APC2: variants seen among roughly 807,000 people sequenced by gnomAD.
APC2 encodes APC regulator of Wnt signaling pathway 2.
Under a neutral mutation model 72.5 loss-of-function variants are expected in APC2, and 41 were observed. That is an observed-to-expected ratio of 0.57 (90% confidence interval 0.44 to 0.73). APC2 has a LOEUF of 0.73. Among genes scored for constraint, APC2 ranks in the 30% least tolerant of loss-of-function variants. APC2 has a pLI of 0.00. For synonymous variants in APC2, 1,898 were observed against 1,612.0 expected, an observed-to-expected ratio of 1.18 and a Z score of -4.25; for missense variants, 3,729 against 3,403.4, an observed-to-expected ratio of 1.10 and a Z score of -2.38.
rs535857546 is a variant in APC2, at chr19:1,463,912, C to T, written c.1854-1243C>T. Among the ~76,000 whole-genome samples the T allele has an allele frequency of 5.3e-5, 8 of 152,324 alleles. No individual in the cohort carries two copies. The East Asian group carries it at 9.6e-4, about 18-fold the overall frequency. The stretch of plus-strand genomic sequence containing the variant: ...CTTATTGGCTGGGCGCGGTGGCTCA[C>T]GCCTGTAATCCCAGCACTTTGGGAG... On this transcript the variant is annotated intron_variant, in intron 14 of 14. Transcript: ENST00000590469.
intron 14 of APC2, among the ~76,000 whole-genome samples, chr19:1,464,181 T>C (rs898050745): frequency 1.1e-4 from 16 of 151,962 alleles, no homozygotes; most frequent in African/African-American, 3.6e-4. Context: ...GGGTGGTGGG[T>C]GCCTGTAATC....
chr19:1,455,628 G>C (rs765313567), intron 6 of APC2, 128 bp downstream of exon 6: 22 of 926,086 alleles, frequency 2.4e-5, no homozygotes, highest in Non-Finnish European at 3.4e-5. Flanking sequence ...GTTGGGGGGC[G>C]CGGGTTCTGG....
chr19:1,458,007 C>G lies in APC2; in HGVS notation c.1250C>G (p.Ala417Gly), dbSNP rs1430400681. ...IEPQICQATC[A>G]VMKLSFDEEY... The stretch of plus-strand genomic sequence containing the variant: ...CCGCAGATCTGCCAGGCCACCTGTG[C>G]TGTTATGAAGCTGTCCTTTGATGAG... The change falls in exon 10 of 15, where the codon GCT becomes GGT. Residue 417 changes from alanine (A) to glycine (G), a missense_variant. Coordinates refer to ENST00000590469, the MANE Select transcript of APC2 (RefSeq NM_005883.3). 1 of 1,567,246 alleles carries G rather than the reference C, an allele frequency of 6.4e-7. No individual in the cohort carries two copies. The highest frequency in any genetic ancestry group is 1.2e-5 in the South Asian group (1 of 85,310).
rs1190840684 is a variant in APC2, at chr19:1,468,414, G to A, written c.5113G>A (p.Ala1705Thr). 1.3e-6 allele frequency: 2 copies of A among 1,589,872 alleles called. No homozygotes were observed. Among genetic ancestry groups the A allele is most frequent in the African/African-American group, 1.3e-5 (1 of 74,412 alleles). The change falls in exon 15 of 15, where the codon GCT becomes ACT. Residue 1705 changes from alanine to threonine, a missense_variant. Physicochemically the swap from Ala to Thr is moderately conservative, Grantham distance 58. Transcript: ENST00000590469. ...TGTCACGTGGCTGCACCAGGCAGCA[G>A]CTGCCACGCGGGAGGCCTCGTCCGA... ...SIVTWLHQAAAATREASSESD... is the reference protein window; with the variant it reads ...SIVTWLHQAATATREASSESD...
At chr19:1,458,764 T>G (rs535240756) in intron 10 of APC2, among the ~76,000 whole-genome samples, 1 of 152,142 alleles carries the variant, frequency 6.6e-6, no homozygotes, top group East Asian at 2.0e-4. Flanking sequence ...TTGCCCAGGC[T>G]GGAGTGCAGT....
chr19:1,460,099 T>C, intron 10 of APC2, 82 bp from the exon 11 acceptor site: 1 of 1,583,734 alleles, frequency 6.3e-7, no homozygotes, highest in South Asian at 1.1e-5. Context: ...AGGGAGGGCC[T>C]CTGGGCAAGG....
rs768283155 is a variant in APC2, at chr19:1,468,002, C to A, written c.4701C>A (p.Ser1567Arg). ...AAPPPARTQP[S>R]LIADETPPCY... ...CGCCGCCCGCCCGGACCCAGCCCAGCCTCATTGCTGACGAGACCCCGCCCT... is the reference window on the plus strand; with the variant it reads ...CGCCGCCCGCCCGGACCCAGCCCAGACTCATTGCTGACGAGACCCCGCCCT... The change falls in exon 15 of 15, where the codon AGC becomes AGA. Residue 1567 changes from serine to arginine, a missense_variant. Physicochemically the swap from Ser to Arg is moderately radical, Grantham distance 110. Transcript: ENST00000590469. 6.9e-6 allele frequency: 11 copies of A among 1,585,850 alleles called. No homozygotes were observed. The highest frequency in any genetic ancestry group is 2.3e-5 in the East Asian group (1 of 42,962).
intron 14 of APC2, among the ~76,000 whole-genome samples, chr19:1,464,153 A>G (rs1462634721): frequency 3.9e-5 from 6 of 152,054 alleles, no homozygotes; most frequent in Admixed American, 2.0e-4. Flanking sequence ...TACTAAAAAT[A>G]TAAAAATTAG....
rs1224873247 is a variant in APC2, at chr19:1,468,804, C to T, written c.5503C>T (p.Pro1835Ser). The T allele has an allele frequency of 5.2e-6, 8 of 1,534,936 alleles. No individual in the cohort carries two copies. Among genetic ancestry groups the T allele is most frequent in the Non-Finnish European group, 7.0e-6 (8 of 1,144,284 alleles). ...CGCGGCTCCAGCCAAAGTCCCGAGCCCCGGGCAGCAGCGGTCGCGGAGCCT... is the reference window on the plus strand; with the variant it reads ...CGCGGCTCCAGCCAAAGTCCCGAGCTCCGGGCAGCAGCGGTCGCGGAGCCT... ...QPAAPAKVPSPGQQRSRSLHR... is the reference protein window; with the variant it reads ...QPAAPAKVPSSGQQRSRSLHR... The change falls in exon 15 of 15, where the codon CCC becomes TCC. Residue 1835 changes from proline (P) to serine (S), a missense_variant. By Grantham distance (74) the Pro-to-Ser change is moderately conservative. Coordinates refer to ENST00000590469, the MANE Select transcript of APC2 (RefSeq NM_005883.3).
rs770025331 is a variant in APC2 at position 1,455,518 on chromosome 19, G to A, written c.639+18G>A. ...GGGCACAGGTGCGGCGGTGGGCGGG[G>A]TGGCGCGGCGGTAGGCGGGGCCCTG... On this transcript the variant is annotated intron_variant, in intron 6 of 14. Transcript: ENST00000590469. 1.9e-6 allele frequency: 3 copies of A among 1,590,770 alleles called. No individual in the cohort carries two copies. The highest frequency in any genetic ancestry group is 2.3e-5 in the South Asian group (2 of 88,750).
At position 1,453,306 on chromosome 19, in the gene APC2, G is replaced by A. The variant is rs372898271; in HGVS notation, c.201G>A (p.Ser67=). The change falls in exon 3 of 15, where the codon TCG becomes TCA. Residue 67 remains serine (S), a synonymous_variant. Transcript: ENST00000590469. The part of the protein sequence containing the change: ...LEQEARVLVS[S]GQTEVLEQLK... ...AGGAGGCCCGAGTGCTGGTGTCCTCGGGGCAGACGGAGGTGCTGGAGCAGC... is the reference window on the plus strand; with the variant it reads ...AGGAGGCCCGAGTGCTGGTGTCCTCAGGGCAGACGGAGGTGCTGGAGCAGC... 4 of 1,592,450 alleles carry A rather than the reference G, an allele frequency of 2.5e-6. No homozygotes were observed. Among genetic ancestry groups the A allele is most frequent in the Admixed American group, 3.6e-5 (2 of 55,382 alleles).
chr19:1,459,582 G>A (rs1007337362), intron 10 of APC2, among the ~76,000 whole-genome samples: 5 of 152,216 alleles, frequency 3.3e-5, no homozygotes, highest in African/African-American at 1.2e-4. Context: ...TGTCTCCACT[G>A]ACCCACTCCT....
At chr19:1,457,899 A>AGGGGGGGGGGGGGGGC (rs2083862916) in intron 9 of APC2, 66 bp from the exon 10 acceptor site, 1 of 792,656 alleles carries the variant, frequency 1.3e-6, no homozygotes, top group African/African-American at 4.0e-5. Flanking sequence ...GGGTTGCGGG[A>AGGGGGGGGGGGGGGGC]CCTTCGGGAG....
chr19:1,453,669 G>C, intron 4 of APC2, 58 bp downstream of exon 4: 1 of 1,542,208 alleles, frequency 6.5e-7, no homozygotes, highest in Non-Finnish European at 8.8e-7. Context: ...GTCCCCAGCG[G>C]GCTCTGCCCT....
At position 1,450,241 on chromosome 19, in the gene APC2, C is replaced by T. The variant is rs572720372; in HGVS notation, c.-116C>T. 4.1e-6 allele frequency: 4 copies of T among 985,420 alleles called. No homozygotes were observed. The highest frequency in any genetic ancestry group is 5.2e-4 in the Middle Eastern group (1 of 1,914). The allele number at this position is 985,420 out of a possible 1,614,324, so 61.0% of individuals were successfully genotyped here. On this transcript the variant is annotated 5_prime_UTR_variant, in exon 1 of 15. Transcript: ENST00000590469. The stretch of plus-strand genomic sequence containing the variant: ...ACCCCGGAGCCCGCGCGCTCCGAGG[C>T]CACCCCGGGCCGGGATTTCCGGTGG...
At chr19:1,458,359 TAGAAGAC>T in intron 10 of APC2, 1 of 418,880 alleles carries the variant, frequency 2.4e-6, no homozygotes, top group South Asian at 3.2e-5. Context: ...CAAAGATAGA[TAGAAGAC>T]AGGCCCAGAA....
At chr19:1,461,696 C>T (rs2083926738) in intron 13 of APC2, 1 of 471,874 alleles carries the variant, frequency 2.1e-6, no homozygotes, top group South Asian at 3.1e-5. Flanking sequence ...ACTAAAAATA[C>T]AAAAAATTAG....
In APC2 at chr19:1,467,430, G is replaced by C; in HGVS notation, c.4129G>C (p.Val1377Leu). 6.7e-7 allele frequency: 1 copy of C among 1,483,944 alleles called. No homozygotes were observed. The highest frequency in any genetic ancestry group is 1.3e-5 in the South Asian group (1 of 78,154). 91.9% of individuals were successfully genotyped at this position (1,483,944 alleles called of 1,614,324 possible). A position where few individuals can be genotyped will look rare whatever the true frequency, so the allele number is the denominator to read the frequency against. Residue 1377 changes from valine (V) to leucine (L), a missense_variant, in exon 15 of 15, where the codon GTG (valine) becomes CTG (leucine). Val to Leu is a conservative substitution (Grantham distance 32, BLOSUM62 1). Coordinates refer to ENST00000590469, the MANE Select transcript of APC2 (RefSeq NM_005883.3). ...ACTCCCCGTGCCCGTCTACATGTTG[G>C]TGCCCGCCCCGGCCCCGGCCCAGGA... ...RALPVPVYML[V>L]PAPAPAQEDD...
rs1044657727 is a variant in APC2, at chr19:1,469,956, G to C, written c.6655G>C (p.Ala2219Pro). 1.3e-6 allele frequency: 2 copies of C among 1,513,194 alleles called. No individual in the cohort carries two copies. The highest frequency in any genetic ancestry group is 2.6e-5 in the East Asian group (1 of 39,098). The allele number at this position is 1,513,194 out of a possible 1,614,324, so 93.7% of individuals were successfully genotyped here. A position where few individuals can be genotyped will look rare whatever the true frequency, so the allele number is the denominator to read the frequency against. ...LETREPPGAP[A>P]GGQLSLLGSD... ...GACCAGGGAGCCCCCCGGGGCCCCC[G>C]CCGGCGGCCAGCTCTCCCTCCTCGG... The change falls in exon 15 of 15, where the codon GCC becomes CCC. Residue 2219 changes from alanine (A) to proline (P), a missense_variant. Transcript: ENST00000590469.
Sources: gnomAD v4.1 joint callset for allele counts (sites outside exome capture counted in the v4.1 genomes callset) on GRCh38, gnomAD v4.1.1 for gene constraint, MANE v1.5 for transcripts, NCBI Gene and HGNC (gene_info 2026-07-23, HGNC 2026-07-21) for gene names.